The following MTHFD1L variants were observed in gnomAD, a reference collection of about 807,000 sequenced individuals.
MTHFD1L encodes the protein monofunctional C1-tetrahydrofolate synthase, mitochondrial.
In MTHFD1L, 81 loss-of-function variants were observed where a neutral mutation model predicts 119.5. The observed-to-expected ratio is 0.68, with a 90% CI of 0.57 to 0.82. MTHFD1L has a LOEUF of 0.82. MTHFD1L is among the 40% of genes least tolerant of loss of function. MTHFD1L has a pLI of 0.00. For missense variants in MTHFD1L, 1,125 were observed against 1,253.4 expected, an observed-to-expected ratio of 0.90 and a Z score of 1.55; for synonymous variants, 430 against 475.2, an observed-to-expected ratio of 0.90 and a Z score of 1.24.
chr6:151,028,719 G>A lies in MTHFD1L; in HGVS notation c.2587-5774G>A, dbSNP rs144925921. On this transcript the variant is annotated intron_variant, in intron 24 of 27. Transcript: ENST00000367321. ...TTGCTAAATACAGAGAGTTCTGGAG[G>A]TTGGTTGCCCGACACCATAAATGGA... Among the ~76,000 whole-genome samples the A allele has an allele frequency of 3.9e-5, 6 of 152,244 alleles. No homozygotes were observed. The East Asian group carries it at 1.2e-3, about 29-fold the overall frequency.
At chr6:151,015,493 A>T in intron 23 of MTHFD1L, 23 bp from the exon 24 acceptor site, 1 of 1,590,614 alleles carries the variant, frequency 6.3e-7, no homozygotes, top group Non-Finnish European at 8.6e-7. Context: ...CAGATGCAAA[A>T]CCACAAACAT....
At position 150,973,179 on chromosome 6, in the gene MTHFD1L, CAA is replaced by C. The variant is rs201820002; in HGVS notation, c.2125+1124_2125+1125del. Among the ~76,000 whole-genome samples, 1,058 of 152,320 alleles carry C rather than the reference CAA, an allele frequency of 6.9e-3. 13 individuals are homozygous for C. The highest frequency in any genetic ancestry group is 0.024 in the African/African-American group (1,004 of 41,572). On this transcript the variant is annotated intron_variant, in intron 20 of 27. Coordinates refer to ENST00000367321, the MANE Select transcript of MTHFD1L (RefSeq NM_015440.5). ...CTTATCATCAGCTTTGGATCAAACT[CAA>C]AAGAGTTATTTTATTAGAAGAGAGT...
rs77488804 is a variant in MTHFD1L, at chr6:150,890,426, C to T, written c.780+2445C>T. On this transcript the variant is annotated intron_variant, in intron 7 of 27. Coordinates refer to ENST00000367321, the MANE Select transcript of MTHFD1L (RefSeq NM_015440.5). ...TTCAAGGGAGACAGGGGCAGGATTTCGCCTTCACTGATGGGCAGGCCAGCG... is the reference window on the plus strand; with the variant it reads ...TTCAAGGGAGACAGGGGCAGGATTTTGCCTTCACTGATGGGCAGGCCAGCG... Among the ~76,000 whole-genome samples, 34 of 152,100 alleles carry T rather than the reference C, an allele frequency of 2.2e-4. No homozygotes were observed. In the South Asian group the frequency reaches 5.4e-3, roughly 24 times the overall value.
At chr6:151,011,453 G>A (rs141271728) in intron 21 of MTHFD1L, among the ~76,000 whole-genome samples, 105 of 151,036 alleles carry the variant, frequency 7.0e-4, no homozygotes, top group African/African-American at 2.6e-3. Context: ...AATCTCTGAG[G>A]CACAGGGAGA....
At chr6:150,994,458 C>A (rs1779552714) in intron 20 of MTHFD1L, among the ~76,000 whole-genome samples, 1 of 151,518 alleles carries the variant, frequency 6.6e-6, no homozygotes, top group Non-Finnish European at 1.5e-5. Flanking sequence ...AGCGTGACGA[C>A]AGTTCAAGAG....
At chr6:150,994,094 A>AAAGAAAGAAAGAAAGAAAGT (rs1482239065) in intron 20 of MTHFD1L, among the ~76,000 whole-genome samples, 1 of 119,616 alleles carries the variant, frequency 8.4e-6, no homozygotes, top group Admixed American at 8.3e-5. Flanking sequence ...AGAAAGAAAG[A>AAAGAAAGAAAGAAAGAAAGT]AAGTGACCCA....
At chr6:150,977,627 C>G (rs915047362) in intron 20 of MTHFD1L, among the ~76,000 whole-genome samples, 1 of 152,210 alleles carries the variant, frequency 6.6e-6, no homozygotes, top group Non-Finnish European at 1.5e-5. Flanking sequence ...ACATTATTAT[C>G]TCATCTTTAA....
chr6:151,069,414 G>C (rs1437190746), intron 26 of MTHFD1L, among the ~76,000 whole-genome samples: 2 of 152,098 alleles, frequency 1.3e-5, no homozygotes, highest in Admixed American at 1.3e-4. Flanking sequence ...GATGCTGGCT[G>C]ATCATGGCAA....
intron 20 of MTHFD1L, among the ~76,000 whole-genome samples, chr6:150,977,345 A>T (rs1420409147): frequency 6.6e-6 from 1 of 152,348 alleles, no homozygotes; most frequent in East Asian, 1.9e-4. Context: ...TCAGTAGTCC[A>T]TTTAGACTTA....
In MTHFD1L at chr6:151,009,863, T is replaced by C; in HGVS notation, c.2170T>C (p.Phe724Leu). The change falls in exon 21 of 28, where the codon TTC becomes CTC. Residue 724 changes from phenylalanine (F) to leucine (L), a missense_variant. Coordinates refer to ENST00000367321, the MANE Select transcript of MTHFD1L (RefSeq NM_015440.5). ...FGADIGMEKF[F>L]NIKCRASGLV... ...TGCTGACATCGGAATGGAGAAATTC[T>C]TCAACATCAAGTGCCGAGCTTCCGG... 1 of 1,613,954 alleles carries C rather than the reference T, an allele frequency of 6.2e-7. No individual in the cohort carries two copies. Among genetic ancestry groups the C allele is most frequent in the South Asian group, 1.1e-5 (1 of 91,008 alleles).
chr6:150,945,899 T>C lies in MTHFD1L; in HGVS notation c.1623+358T>C, dbSNP rs540661314. Among the ~76,000 whole-genome samples, 8 of 152,274 alleles carry C rather than the reference T, an allele frequency of 5.3e-5. No individual in the cohort carries two copies. In the South Asian group the frequency reaches 1.2e-3, roughly 24 times the overall value. On this transcript the variant is annotated intron_variant, in intron 15 of 27. Transcript: ENST00000367321. The stretch of plus-strand genomic sequence containing the variant: ...TAGTCCGAGCTACTCATGATGCTGA[T>C]GTGAGAGGTTTGCTTGAGCCAAGGA...
Position 150,876,087 on chromosome 6 carries a change from T to C in MTHFD1L, c.228-3T>C, listed in dbSNP as rs1780392629. On this transcript the variant is annotated splice_polypyrimidine_tract_variant and splice_region_variant and intron_variant, in intron 1 of 27. Coordinates refer to ENST00000367321, the MANE Select transcript of MTHFD1L (RefSeq NM_015440.5). Reference sequence around the variant, plus strand: ...CACAATGTTGTTTTCTTTCTCAATGTAGAGAAGTCATTCAGAATTCAAAAG... The same window carrying C: ...CACAATGTTGTTTTCTTTCTCAATGCAGAGAAGTCATTCAGAATTCAAAAG... The C allele has an allele frequency of 4.4e-6, 7 of 1,594,184 alleles. No homozygotes were observed. Among genetic ancestry groups the C allele is most frequent in the Non-Finnish European group, 5.2e-6 (6 of 1,164,148 alleles).
intron 26 of MTHFD1L, among the ~76,000 whole-genome samples, chr6:151,054,632 T>G (rs1033548710): frequency 2.0e-5 from 3 of 152,152 alleles, no homozygotes; most frequent in African/African-American, 7.2e-5. Flanking sequence ...GACTTGTAAT[T>G]TTTTCCCCTG....
chr6:150,945,396 T>C (rs1055659037), intron 14 of MTHFD1L, 71 bp from the exon 15 acceptor site: 55 of 1,248,520 alleles, frequency 4.4e-5, no homozygotes, highest in Non-Finnish European at 6.2e-5. Flanking sequence ...ATTTTTGTCA[T>C]ATCCTGTGAA....
intron 27 of MTHFD1L, among the ~76,000 whole-genome samples, chr6:151,101,090 C>T (rs888533650): frequency 1.3e-4 from 19 of 151,940 alleles, no homozygotes; most frequent in African/African-American, 3.6e-4. Context: ...ACCCGGGAGA[C>T]GGAGGTTGCA....
chr6:151,045,098 A>C (rs185354609), intron 26 of MTHFD1L, among the ~76,000 whole-genome samples: 21 of 152,178 alleles, frequency 1.4e-4, no homozygotes, highest in Admixed American at 1.2e-3. Flanking sequence ...TACCGGCCCT[A>C]CTTAGGGATG....
chr6:150,962,914 C>CTTTTTTT (rs4035893), intron 18 of MTHFD1L, among the ~76,000 whole-genome samples: 43 of 114,138 alleles, frequency 3.8e-4, no homozygotes, highest in African/African-American at 1.1e-3. Context: ...CTTTTCTTTT[C>CTTTTTTT]TTTTTTTTTT....
intron 20 of MTHFD1L, among the ~76,000 whole-genome samples, chr6:150,998,851 A>G (rs1245367792): frequency 4.7e-5 from 7 of 149,650 alleles, no homozygotes; most frequent in African/African-American, 1.5e-4. Context: ...TTAGCTGGGC[A>G]CGGTGGCACA....
chr6:151,051,593 C>T (rs1043761209), intron 26 of MTHFD1L, among the ~76,000 whole-genome samples: 1 of 152,120 alleles, frequency 6.6e-6, no homozygotes, highest in Non-Finnish European at 1.5e-5. Context: ...ACTCACAGGG[C>T]CGTGCATGCT....
Sources: gnomAD v4.1 joint callset for allele counts (sites outside exome capture counted in the v4.1 genomes callset) on GRCh38, gnomAD v4.1.1 for gene constraint, MANE v1.5 for transcripts, NCBI Gene and HGNC (gene_info 2026-07-23, HGNC 2026-07-21) for gene names.